Variants in TPD52 observed in about 807,000 individuals in gnomAD.
The protein encoded by TPD52 is prostate and colon associated protein.
In TPD52, 17 loss-of-function variants were observed where a neutral mutation model predicts 31.3. The ratio of observed to expected loss-of-function variants is 0.54; its 90% CI spans 0.37 to 0.82. TPD52 has a LOEUF of 0.82. Among genes scored for constraint, TPD52 ranks in the 40% least tolerant of loss-of-function variants. The probability of loss-of-function intolerance (pLI) is 0.00; values close to 1 mark genes in which losing one functional copy is unlikely to be tolerated. For synonymous variants in TPD52, 83 were observed against 89.6 expected (o/e 0.93, Z 0.42); for missense variants, 212 against 240.1 (o/e 0.88, Z 0.77).
intron 1 of TPD52, among the ~76,000 whole-genome samples, chr8:80,091,840 C>T (rs1470373222): frequency 2.0e-5 from 3 of 152,192 alleles, no homozygotes; most frequent in Non-Finnish European, 4.4e-5. Flanking sequence ...GCTTTCTGGA[C>T]AAGCTCCAGG....
chr8:80,044,358 G>A lies in TPD52; in HGVS notation c.414-150C>T, dbSNP rs1810643041. ...ACTTTTTGAGGTGGAGGGGATCAAA[G>A]TTATTCCAACATAATTTACTTTTAT... On this transcript the variant is annotated intron_variant, in intron 5 of 7. Transcript: ENST00000518937. 4 of 648,560 alleles carry A rather than the reference G, an allele frequency of 6.2e-6. No homozygotes were observed. The South Asian group carries it at 7.3e-5, about 12-fold the overall frequency. 40.2% of individuals were successfully genotyped at this position (648,560 alleles called of 1,614,324 possible). A position where few individuals can be genotyped will look rare whatever the true frequency, so the allele number is the denominator to read the frequency against.
chr8:80,161,296 T>C (rs1811347582), intron 1 of TPD52, among the ~76,000 whole-genome samples: 2 of 152,244 alleles, frequency 1.3e-5, no homozygotes, highest in South Asian at 4.1e-4. Flanking sequence ...AGTGATTATA[T>C]GTAAGACTAT....
intron 1 of TPD52, among the ~76,000 whole-genome samples, chr8:80,070,624 G>A (rs1049458823): frequency 2.6e-5 from 4 of 152,110 alleles, no homozygotes; most frequent in Admixed American, 6.5e-5. Context: ...ATGCTCACTC[G>A]CCTGCCACTC....
intron 2 of TPD52, among the ~76,000 whole-genome samples, chr8:80,057,769 A>G (rs537567940): frequency 1.9e-4 from 29 of 152,208 alleles, no homozygotes; most frequent in Non-Finnish European, 3.8e-4. Context: ...AGGCATTACC[A>G]TGTAACAAAC....
intron 1 of TPD52, among the ~76,000 whole-genome samples, chr8:80,086,101 CTTTTTTTTTTTTTTAGTTTTT>C (rs1262556600): frequency 2.7e-5 from 3 of 112,694 alleles, no homozygotes; most frequent in Non-Finnish European, 3.6e-5. Flanking sequence ...GGTTTTTTTG[CTTTTTTTTTTTTTTAGTTTTT>C]TTTTTTTTTT....
chr8:80,068,271 T>C (rs544738172), intron 1 of TPD52, among the ~76,000 whole-genome samples: 1 of 152,254 alleles, frequency 6.6e-6, no homozygotes, highest in East Asian at 1.9e-4. Context: ...TAAGGCTATA[T>C]AATTTGCCCA....
Position 80,149,518 on chromosome 8 carries a change from C to G in TPD52, c.19+21907G>C, listed in dbSNP as rs570346691. Among the ~76,000 whole-genome samples the G allele has an allele frequency of 1.5e-3, 221 of 152,234 alleles. 1 individual carries two copies. The highest frequency in any genetic ancestry group is 2.3e-3 in the Non-Finnish European group (159 of 68,022). ...GTGAGGTGCTGCTTGTAAAGATACC[C>G]AAGAATGTGGAAGTAACTTTGGAAT... On this transcript the variant is annotated intron_variant, in intron 1 of 7. Transcript: ENST00000518937.
chr8:80,115,829 A>C (rs1807825958), intron 1 of TPD52, among the ~76,000 whole-genome samples: 2 of 152,170 alleles, frequency 1.3e-5, no homozygotes, highest in African/African-American at 2.4e-5. Context: ...ATCTGACCAC[A>C]CAAAACTTTA....
chr8:80,056,733 T>C (rs190037913), intron 2 of TPD52, among the ~76,000 whole-genome samples: 8 of 152,116 alleles, frequency 5.3e-5, no homozygotes, highest in East Asian at 1.9e-4. Context: ...TGTGGAGAAA[T>C]TGGAACCCTC....
chr8:80,070,690 T>C (rs1482357183), intron 1 of TPD52, among the ~76,000 whole-genome samples: 1 of 152,124 alleles, frequency 6.6e-6, no homozygotes, highest in Non-Finnish European at 1.5e-5. Flanking sequence ...GCGTTGGGGA[T>C]CCCTGGTTTA....
intron 6 of TPD52, among the ~76,000 whole-genome samples, chr8:80,043,638 A>G (rs1034976777): frequency 1.3e-5 from 2 of 152,188 alleles, no homozygotes; most frequent in African/African-American, 2.4e-5. Flanking sequence ...AAGCACTCCA[A>G]GTGATTTTGA....
rs1016767039 is a variant in TPD52, at chr8:80,072,760, TAC to T, written c.20-8169_20-8168del. Among the ~76,000 whole-genome samples, 6 of 149,540 alleles carry T rather than the reference TAC, an allele frequency of 4.0e-5. 1 individual carries two copies. Among genetic ancestry groups the T allele is most frequent in the South Asian group, 2.1e-4 (1 of 4,812 alleles). On this transcript the variant is annotated intron_variant, in intron 1 of 7. Coordinates refer to ENST00000518937, the MANE Select transcript of TPD52 (RefSeq NM_001025253.3). ...ATATACACACACATATATACATATATACACACACACATATATATACACATACA... is the reference window on the plus strand; with the variant it reads ...ATATACACACACATATATACATATATACACACACATATATATACACATACA...
chr8:80,141,630 G>A (rs1248207161), intron 1 of TPD52, among the ~76,000 whole-genome samples: 1 of 152,180 alleles, frequency 6.6e-6, no homozygotes, highest in Non-Finnish European at 1.5e-5. Flanking sequence ...ATATAAATGT[G>A]GCTGGGCGCG....
chr8:80,158,199 T>C (rs989370005), intron 1 of TPD52, among the ~76,000 whole-genome samples: 2 of 151,588 alleles, frequency 1.3e-5, no homozygotes, highest in South Asian at 4.1e-4. Context: ...CCCTTTACCA[T>C]TCCCCCATTC....
intron 1 of TPD52, among the ~76,000 whole-genome samples, chr8:80,101,448 C>CAAAAAAAAAAAAAAA (rs113660828): frequency 3.5e-5 from 4 of 114,732 alleles, no homozygotes; most frequent in Non-Finnish European, 6.1e-5. Context: ...ACTCCCAGCT[C>CAAAAAAAAAAAAAAA]AAAAAAAAAA....
rs1444780919 is a variant in TPD52 at position 80,064,548 on chromosome 8, G to T, written c.65C>A (p.Ala22Asp). ...DPVPEEGEDV[A>D]ATISATETLS... Reference sequence around the variant, plus strand: ...GGTCTCTGTGGCACTGATCGTGGCAGCAACATCTTCTCCTTCCTCAGGGAC... The same window carrying T: ...GGTCTCTGTGGCACTGATCGTGGCATCAACATCTTCTCCTTCCTCAGGGAC... Residue 22 changes from alanine to aspartate, a missense_variant, in exon 2 of 8, where the codon GCT (alanine) becomes GAT (aspartate). Ala to Asp is a moderately radical substitution (Grantham distance 126). Coordinates refer to ENST00000518937, the MANE Select transcript of TPD52 (RefSeq NM_001025253.3). 4 of 1,614,044 alleles carry T rather than the reference G, an allele frequency of 2.5e-6. No homozygotes were observed. The highest frequency in any genetic ancestry group is 4.5e-5 in the East Asian group (2 of 44,892).
intron 1 of TPD52, among the ~76,000 whole-genome samples, chr8:80,107,104 G>A (rs948730450): frequency 1.3e-5 from 2 of 152,104 alleles, no homozygotes; most frequent in African/African-American, 4.8e-5. Flanking sequence ...GCCCACCTCA[G>A]CCTCCCAAAG....
intron 1 of TPD52, among the ~76,000 whole-genome samples, chr8:80,093,544 T>C (rs1287314432): frequency 6.6e-6 from 1 of 152,170 alleles, no homozygotes; most frequent in Non-Finnish European, 1.5e-5. Flanking sequence ...TAGAGAACAG[T>C]AGGCACTTAT....
chr8:80,171,100 C>G (rs924274514), intron 1 of TPD52: 15 of 646,988 alleles, frequency 2.3e-5, no homozygotes, highest in Non-Finnish European at 3.7e-5. Context: ...GTGCTCCCTT[C>G]ACGCGGCTTT....
Sources: allele counts gnomAD v4.1 joint callset (sites outside exome capture counted in the v4.1 genomes callset), GRCh38; gene constraint gnomAD v4.1.1; transcripts MANE v1.5; gene names NCBI Gene and HGNC (gene_info 2026-07-23, HGNC 2026-07-21).